The following AUTS2 variants were observed in gnomAD, a reference collection of about 807,000 sequenced individuals.
AUTS2 encodes activator of transcription and developmental regulator AUTS2, also known as autism susceptibility gene 2 protein.
In AUTS2, 17 loss-of-function variants were observed where a neutral mutation model predicts 112.4. The ratio of observed to expected loss-of-function variants is 0.15; its 90% CI spans 0.10 to 0.23. The LOEUF (loss-of-function observed/expected upper bound fraction) is 0.23, where lower values mean the gene tolerates loss of function less well. Among genes scored for constraint, AUTS2 ranks in the 10% least tolerant of loss-of-function variants. AUTS2 has a pLI of 1.00. For synonymous variants in AUTS2, 751 were observed against 702.7 expected (o/e 1.07, Z -1.09); for missense variants, 1,510 against 1,701.6 (o/e 0.89, Z 1.98).
chr7:70,381,020 A>G (rs1008918646), intron 4 of AUTS2, among the ~76,000 whole-genome samples: 2 of 152,278 alleles, frequency 1.3e-5, no homozygotes, highest in Non-Finnish European at 2.9e-5. Context: ...GGTCAGATTC[A>G]TGATTTCATT....
At chr7:70,772,360 G>T (rs1385164532) in intron 11 of AUTS2, among the ~76,000 whole-genome samples, 1 of 152,206 alleles carries the variant, frequency 6.6e-6, no homozygotes, top group Non-Finnish European at 1.5e-5. Flanking sequence ...GTTGGCTACA[G>T]CTGTCTCTAA....
chr7:69,675,849 G>T (rs1236337315), intron 1 of AUTS2, among the ~76,000 whole-genome samples: 1 of 152,108 alleles, frequency 6.6e-6, no homozygotes, highest in Non-Finnish European at 1.5e-5. Context: ...CCCATGATGT[G>T]TGTACTTGTA....
chr7:69,721,856 G>C (rs759554193), intron 1 of AUTS2, among the ~76,000 whole-genome samples: 2 of 152,176 alleles, frequency 1.3e-5, no homozygotes, highest in Non-Finnish European at 2.9e-5. Context: ...GGATGTCATT[G>C]AGTGATTTTG....
At chr7:69,991,650 T>A (rs1276034100) in intron 2 of AUTS2, among the ~76,000 whole-genome samples, 1 of 152,170 alleles carries the variant, frequency 6.6e-6, no homozygotes, top group Non-Finnish European at 1.5e-5. Context: ...GGAGCTTAGA[T>A]AAGTTGAAAT....
At chr7:69,775,266 T>C (rs1788842639) in intron 1 of AUTS2, among the ~76,000 whole-genome samples, 1 of 152,226 alleles carries the variant, frequency 6.6e-6, no homozygotes, top group Non-Finnish European at 1.5e-5. Flanking sequence ...TGGGAACTGC[T>C]GTTGCCTGGG....
At chr7:69,849,377 A>C (rs1401125685) in intron 1 of AUTS2, among the ~76,000 whole-genome samples, 1 of 152,228 alleles carries the variant, frequency 6.6e-6, no homozygotes, top group East Asian at 1.9e-4. Context: ...ACCTTCACCT[A>C]GTACAATATA....
At chr7:70,544,200 G>A (rs1800675050) in intron 5 of AUTS2, among the ~76,000 whole-genome samples, 1 of 152,218 alleles carries the variant, frequency 6.6e-6, no homozygotes, top group African/African-American at 2.4e-5. Context: ...CTGTTGCAGT[G>A]CCTTTCTTCC....
In AUTS2 at chr7:70,484,269, A is replaced by G. The variant is rs995609201; in HGVS notation, c.690+48488A>G. 2.0e-5 allele frequency among the ~76,000 whole-genome samples: 3 copies of G among 152,234 alleles called. No homozygotes were observed. In the East Asian group the frequency reaches 5.8e-4, roughly 29 times the overall value. ...AACAGCTCATAAATTTGTATTTTAC[A>G]GCCTAGCAAAGTTGACTGGTTCTCT... On this transcript the variant is annotated intron_variant, in intron 5 of 18. Transcript: ENST00000342771.
At chr7:70,710,552 C>G (rs1235702048) in intron 6 of AUTS2, among the ~76,000 whole-genome samples, 1 of 152,216 alleles carries the variant, frequency 6.6e-6, no homozygotes, top group Non-Finnish European at 1.5e-5. Context: ...TCACTCAGTG[C>G]TGCATTTGCT....
At chr7:70,117,126 T>TTTTTTTTTTTTTTTTTTTTTTTTTTTTC (rs1805414892) in intron 2 of AUTS2, among the ~76,000 whole-genome samples, 1 of 111,650 alleles carries the variant, frequency 9.0e-6, no homozygotes, top group African/African-American at 3.3e-5. Flanking sequence ...TGTTTTTTTT[T>TTTTTTTTTTTTTTTTTTTTTTTTTTTTC]GTTTTTTTTT....
chr7:70,391,662 A>G (rs1793864035), intron 4 of AUTS2, among the ~76,000 whole-genome samples: 1 of 152,164 alleles, frequency 6.6e-6, no homozygotes, highest in South Asian at 2.1e-4. Flanking sequence ...AGTGTTAAGA[A>G]TGCTAAAAAA....
rs182071657 is a variant in AUTS2 at position 70,036,929 on chromosome 7, C to T, written c.523-81203C>T. 4.3e-3 allele frequency among the ~76,000 whole-genome samples: 656 copies of T among 152,304 alleles called. 9 individuals carry two copies. The highest frequency in any genetic ancestry group is 0.015 in the African/African-American group (616 of 41,574). On this transcript the variant is annotated intron_variant, in intron 2 of 18. Coordinates refer to ENST00000342771, the MANE Select transcript of AUTS2 (RefSeq NM_015570.4). Reference sequence around the variant, plus strand: ...GGCAACAGGTTCTTTCCTTGTAAAACTGTAATCTAATTCTGTAAACAAGCC... The same window carrying T: ...GGCAACAGGTTCTTTCCTTGTAAAATTGTAATCTAATTCTGTAAACAAGCC...
intron 5 of AUTS2, among the ~76,000 whole-genome samples, chr7:70,525,598 C>T (rs549102564): frequency 2.0e-5 from 3 of 152,120 alleles, no homozygotes; most frequent in East Asian, 1.9e-4. Flanking sequence ...GAAAGAGTGA[C>T]GGGTTATGAC....
rs1462155878 is a variant in AUTS2, at chr7:70,213,158, A to T, written c.660+78587A>T. ...GTACTCCCCATTAATAATACTGTAT[A>T]TCAACGAATTTTTTTAAAAAAAGAA... On this transcript the variant is annotated intron_variant, in intron 4 of 18. Coordinates refer to ENST00000342771, the MANE Select transcript of AUTS2 (RefSeq NM_015570.4). Among the ~76,000 whole-genome samples the T allele has an allele frequency of 3.3e-5, 5 of 152,274 alleles. No homozygotes were observed. In the East Asian group the frequency reaches 5.8e-4, roughly 18 times the overall value.
At chr7:70,160,479 C>A (rs1187336720) in intron 4 of AUTS2, among the ~76,000 whole-genome samples, 3 of 152,170 alleles carry the variant, frequency 2.0e-5, no homozygotes, top group Non-Finnish European at 4.4e-5. Context: ...TTAAACAATT[C>A]CCCATTTAGC....
chr7:69,812,195 A>G (rs1009017319), intron 1 of AUTS2, among the ~76,000 whole-genome samples: 14 of 152,206 alleles, frequency 9.2e-5, no homozygotes, highest in African/African-American at 3.4e-4. Context: ...CCATGACAAT[A>G]CTGTGTTTGG....
intron 1 of AUTS2, among the ~76,000 whole-genome samples, chr7:69,622,455 A>AACC (rs1793719127): frequency 2.0e-5 from 3 of 152,338 alleles, no homozygotes; most frequent in African/African-American, 7.2e-5. Flanking sequence ...GGGGTTAGAT[A>AACC]CTGTGGGCTC....
At chr7:69,969,175 C>T (rs867496581) in intron 2 of AUTS2, among the ~76,000 whole-genome samples, 1 of 151,832 alleles carries the variant, frequency 6.6e-6, no homozygotes, top group Non-Finnish European at 1.5e-5. Context: ...CTTGAATGTT[C>T]TGTCATGGGA....
intron 1 of AUTS2, among the ~76,000 whole-genome samples, chr7:69,874,758 A>G (rs1376458347): frequency 2.0e-5 from 3 of 152,060 alleles, no homozygotes; most frequent in Non-Finnish European, 4.4e-5. Flanking sequence ...TCCCTGGTTC[A>G]AGAGATTCTC....
Sources: gnomAD v4.1 joint callset for allele counts (sites outside exome capture counted in the v4.1 genomes callset) on GRCh38, gnomAD v4.1.1 for gene constraint, MANE v1.5 for transcripts, NCBI Gene and HGNC (gene_info 2026-07-23, HGNC 2026-07-21) for gene names.